Variants in PSG2 observed in about 807,000 individuals in gnomAD.
PSG2 encodes the protein pregnancy specific beta-1-glycoprotein 2, also known as pregnancy-specific beta-1-glycoprotein 2.
Under a neutral mutation model 36.2 loss-of-function variants are expected in PSG2, and 49 were observed. The observed-to-expected ratio is 1.35, with a 90% CI of 1.08 to 1.72. The LOEUF is 1.72. PSG2 is among the 40% of genes most tolerant of loss of function. The probability of loss-of-function intolerance (pLI) is 0.00; values close to 1 mark genes in which losing one functional copy is unlikely to be tolerated. For missense variants in PSG2, 605 were observed against 407.2 expected, an observed-to-expected ratio of 1.49 and a Z score of -4.18; for synonymous variants, 261 against 155.6, an observed-to-expected ratio of 1.68 and a Z score of -5.04.
intron 2 of PSG2, among the ~76,000 whole-genome samples, chr19:43,080,111 T>C (rs144065298): frequency 0.035 from 5,305 of 151,852 alleles, 440 homozygotes; most frequent in African/African-American, 0.12. Context: ...TTTGCTTCCA[T>C]GAGAAAGCAC....
intron 2 of PSG2, among the ~76,000 whole-genome samples, chr19:43,076,224 T>G (rs1481320285): frequency 6.6e-6 from 1 of 151,488 alleles, no homozygotes; most frequent in African/African-American, 2.4e-5. Context: ...GGTGGGGCAG[T>G]TTTCCCAGGT....
intron 2 of PSG2, among the ~76,000 whole-genome samples, chr19:43,076,704 C>T (rs1389243711): frequency 2.0e-5 from 3 of 151,524 alleles, no homozygotes; most frequent in Non-Finnish European, 2.9e-5. Context: ...TGTGGGTGTG[C>T]GGTTCCAGTT....
chr19:43,082,685 G>T lies in PSG2; in HGVS notation c.-116C>A. The stretch of plus-strand genomic sequence containing the variant: ...TCCTTCTGCACTGAGCCTCTTCCTG[G>T]GGCAGCAGCAATTCCCAGGCTCATG... On this transcript the variant is annotated 5_prime_UTR_variant, in exon 1 of 6. Transcript: ENST00000406487. The T allele has an allele frequency of 4.7e-6, 7 of 1,476,312 alleles. No homozygotes were observed. Among genetic ancestry groups the T allele is most frequent in the Non-Finnish European group, 5.5e-6 (6 of 1,091,940 alleles). 91.5% of individuals were successfully genotyped at this position (1,476,312 alleles called of 1,614,324 possible).
At chr19:43,072,014 T>A in intron 3 of PSG2, 60 bp from the exon 4 acceptor site, 1 of 1,581,920 alleles carries the variant, frequency 6.3e-7, no homozygotes, top group Non-Finnish European at 8.6e-7. Context: ...ATGCTCCTGG[T>A]CTCTTAAAGG....
chr19:43,067,196 CTT>C (rs1967752018), intron 4 of PSG2, among the ~76,000 whole-genome samples: 2 of 151,526 alleles, frequency 1.3e-5, no homozygotes, highest in African/African-American at 2.4e-5. Flanking sequence ...ACTTCTTTCT[CTT>C]TGTTTTTCAT....
At position 43,073,498 on chromosome 19, in the gene PSG2, C is replaced by T. The variant is rs114436933; in HGVS notation, c.710-1544G>A. Among the ~76,000 whole-genome samples the T allele has an allele frequency of 1.6e-3, 245 of 151,844 alleles. 10 individuals carry two copies. The highest frequency in any genetic ancestry group is 5.6e-3 in the African/African-American group (229 of 41,188). ...GGGAATGAACTGCTGGAAATCTGGT[C>T]GTCATGGACCATGTGTGTTTGATGG... is the stretch of plus-strand genomic sequence containing the variant. On this transcript the variant is annotated intron_variant, in intron 3 of 5. Coordinates refer to ENST00000406487, the MANE Select transcript of PSG2 (RefSeq NM_031246.4).
intron 4 of PSG2, among the ~76,000 whole-genome samples, chr19:43,067,182 T>C (rs1967751747): frequency 6.6e-6 from 1 of 151,546 alleles, no homozygotes; most frequent in African/African-American, 2.4e-5. Context: ...CATTGGTACC[T>C]AAAACTTCTT....
In PSG2 at chr19:43,073,937, T is replaced by A. The variant is rs572563252; in HGVS notation, c.709+1417A>T. On this transcript the variant is annotated intron_variant, in intron 3 of 5. Coordinates refer to ENST00000406487, the MANE Select transcript of PSG2 (RefSeq NM_031246.4). ...CTCCAGTGAGCATTTCTTTTCAGCA[T>A]CAGATTAGTAGGCAAAAGTGGGAGG... Among the ~76,000 whole-genome samples, 5 of 151,864 alleles carry A rather than the reference T, an allele frequency of 3.3e-5. No individual in the cohort carries two copies. In the South Asian group the frequency reaches 1.0e-3, roughly 32 times the overall value.
At chr19:43,064,880 G>A (rs541410149) in intron 5 of PSG2, among the ~76,000 whole-genome samples, 4 of 151,778 alleles carry the variant, frequency 2.6e-5, no homozygotes, top group Non-Finnish European at 5.9e-5. Context: ...CACCCAGACT[G>A]GAGTGCAGTG....
rs1249499805 is a variant in PSG2 at position 43,075,331 on chromosome 19, A to G, written c.709+23T>C. ...TGTATTTGGGATGGCAGTCTGGCCC[A>G]CAGAGGAACAGAAGATACTCACGGA... On this transcript the variant is annotated intron_variant, in intron 3 of 5. Coordinates refer to ENST00000406487, the MANE Select transcript of PSG2 (RefSeq NM_031246.4). The G allele has an allele frequency of 2.5e-6, 4 of 1,613,044 alleles. No individual in the cohort carries two copies. In the South Asian group the frequency reaches 3.3e-5, roughly 13 times the overall value.
intron 4 of PSG2, among the ~76,000 whole-genome samples, chr19:43,071,454 C>T (rs1967814720): frequency 6.6e-6 from 1 of 151,628 alleles, no homozygotes; most frequent in South Asian, 2.1e-4. Context: ...CCACATAGGG[C>T]TCAGGGCTGA....
intron 2 of PSG2, among the ~76,000 whole-genome samples, chr19:43,077,580 A>G (rs1009967891): frequency 6.6e-6 from 1 of 151,722 alleles, no homozygotes; most frequent in African/African-American, 2.4e-5. Context: ...CCAACTTATG[A>G]AAACGGCATC....
chr19:43,075,572 G>A lies in PSG2; in HGVS notation c.491C>T (p.Thr164Ile). The change falls in exon 3 of 6, where the codon ACT becomes ATT. Residue 164 changes from threonine (T) to isoleucine (I), a missense_variant. Transcript: ENST00000406487. Reference sequence around the variant, plus strand: ...CTCAGGATCACAGGTTAAGATCACAGTTTCCATGGCCTCCCTGGGGTTTAA... The same window carrying A: ...CTCAGGATCACAGGTTAAGATCACAATTTCCATGGCCTCCCTGGGGTTTAA... ...SNLNPREAME[T>I]VILTCDPETP... 6.2e-7 allele frequency: 1 copy of A among 1,613,324 alleles called. No homozygotes were observed. Among genetic ancestry groups the A allele is most frequent in the Non-Finnish European group, 8.5e-7 (1 of 1,179,786 alleles).
At chr19:43,077,305 T>G (rs1190810702) in intron 2 of PSG2, among the ~76,000 whole-genome samples, 3 of 151,644 alleles carry the variant, frequency 2.0e-5, no homozygotes, top group East Asian at 3.8e-4. Flanking sequence ...ACAGAACTGG[T>G]CAGTGCATCA....
At chr19:43,073,197 A>T (rs1436701157) in intron 3 of PSG2, among the ~76,000 whole-genome samples, 2 of 151,864 alleles carry the variant, frequency 1.3e-5, no homozygotes, top group Non-Finnish European at 2.9e-5. Flanking sequence ...TTCAGTCATC[A>T]GGCAGTGGAG....
chr19:43,067,692 G>A (rs6509055), intron 4 of PSG2, among the ~76,000 whole-genome samples: 83,722 of 150,754 alleles, frequency 0.56, 25,402 homozygotes, highest in African/African-American at 0.79. Context: ...CCTCAAGGTT[G>A]ATGATGATGA....
chr19:43,076,370 A>G (rs569015456), intron 2 of PSG2, among the ~76,000 whole-genome samples: 3 of 151,836 alleles, frequency 2.0e-5, no homozygotes, highest in South Asian at 2.1e-4. Flanking sequence ...CTGGGTCCAC[A>G]ATGCTCCCTT....
chr19:43,074,077 T>C (rs545270937), intron 3 of PSG2, among the ~76,000 whole-genome samples: 1 of 151,820 alleles, frequency 6.6e-6, no homozygotes, highest in Admixed American at 6.6e-5. Context: ...TTTTTAAGGC[T>C]TTGGGATGTG....
In PSG2 at chr19:43,064,328, ATACTT is replaced by A. The variant is rs1311583522; in HGVS notation, c.*309_*313del. On this transcript the variant is annotated 3_prime_UTR_variant, in exon 6 of 6. Coordinates refer to ENST00000406487, the MANE Select transcript of PSG2 (RefSeq NM_031246.4). ...TGTTTCAATTTTTGTTTACAAAAGT[ATACTT>A]TACCAATTGCTCAAGAAAAAATGTT... 9.9e-5 allele frequency: 27 copies of A among 271,714 alleles called. No homozygotes were observed. The South Asian group carries it at 2.5e-3, about 25-fold the overall frequency. The allele number at this position is 271,714 out of a possible 1,614,324, so 16.8% of individuals were successfully genotyped here.
Sources: allele counts gnomAD v4.1 joint callset (sites outside exome capture counted in the v4.1 genomes callset), GRCh38; gene constraint gnomAD v4.1.1; transcripts MANE v1.5; gene names NCBI Gene and HGNC (gene_info 2026-07-23, HGNC 2026-07-21).